KCNH7: variants seen among roughly 807,000 people sequenced by gnomAD.
KCNH7 encodes the protein voltage-gated inwardly rectifying potassium channel KCNH7.
Under a neutral mutation model 120.8 loss-of-function variants are expected in KCNH7, and 49 were observed. The ratio of observed to expected loss-of-function variants is 0.41; its 90% CI spans 0.32 to 0.51. KCNH7 has a LOEUF of 0.51. Ranked by LOEUF, KCNH7 falls within the 20% of genes least tolerant of loss-of-function variation. The probability of loss-of-function intolerance (pLI) is 0.38; values close to 1 mark genes in which losing one functional copy is unlikely to be tolerated. For missense variants in KCNH7, 1,097 were observed against 1,446.6 expected, an observed-to-expected ratio of 0.76 and a Z score of 3.92; for synonymous variants, 547 against 516.1, an observed-to-expected ratio of 1.06 and a Z score of -0.81.
At chr2:162,583,699 A>C (rs1304631100) in intron 2 of KCNH7, among the ~76,000 whole-genome samples, 1 of 152,100 alleles carries the variant, frequency 6.6e-6, no homozygotes, top group Non-Finnish European at 1.5e-5. Context: ...TTACAAATTT[A>C]ATACAACAAA....
At chr2:162,623,981 A>C (rs370908230) in intron 2 of KCNH7, among the ~76,000 whole-genome samples, 4 of 152,196 alleles carry the variant, frequency 2.6e-5, no homozygotes, top group Non-Finnish European at 4.4e-5. Flanking sequence ...ACTGTACACC[A>C]TTCTGGTTAG....
In KCNH7 at chr2:162,825,998, G is replaced by A. The variant is rs1309702495; in HGVS notation, c.307+10539C>T. 7.9e-5 allele frequency among the ~76,000 whole-genome samples: 10 copies of A among 126,262 alleles called. No homozygotes were observed. In the South Asian group the frequency reaches 3.4e-3, roughly 42 times the overall value. 82.8% of individuals were successfully genotyped at this position (126,262 alleles called of 152,430 possible). ...TATTTTCTAATGTTTCAACAGTGAG[G>A]TTAAATCACTTTGACAGAGACAGAG... is the stretch of plus-strand genomic sequence containing the variant. On this transcript the variant is annotated intron_variant, in intron 2 of 15. Transcript: ENST00000332142.
At chr2:162,805,689 T>C (rs1193882950) in intron 2 of KCNH7, among the ~76,000 whole-genome samples, 2 of 152,064 alleles carry the variant, frequency 1.3e-5, no homozygotes, top group Non-Finnish European at 2.9e-5. Flanking sequence ...TCCTCAAAGA[T>C]CTAAAAGTAG....
intron 2 of KCNH7, among the ~76,000 whole-genome samples, chr2:162,610,425 C>A (rs1407431355): frequency 6.6e-6 from 1 of 152,154 alleles, no homozygotes; most frequent in African/African-American, 2.4e-5. Context: ...TTAGGAATAT[C>A]ATTTCAATTC....
rs566557400 is a variant in KCNH7 at position 162,626,748 on chromosome 2, G to C, written c.308-89668C>G. 5.9e-5 allele frequency among the ~76,000 whole-genome samples: 9 copies of C among 152,174 alleles called. No individual in the cohort carries two copies. The East Asian group carries it at 1.7e-3, about 29-fold the overall frequency. On this transcript the variant is annotated intron_variant, in intron 2 of 15. Transcript: ENST00000332142. Reference sequence around the variant, plus strand: ...ACCTAGGTAACACAGGGTTTTTAAAGCATGAAAATTAATAACTGAGCCTGT... The same window carrying C: ...ACCTAGGTAACACAGGGTTTTTAAACCATGAAAATTAATAACTGAGCCTGT...
At chr2:162,445,891 A>G (rs752092669) in intron 7 of KCNH7, 127 bp downstream of exon 7, 10 of 724,906 alleles carry the variant, frequency 1.4e-5, no homozygotes, top group Non-Finnish European at 2.0e-5. Flanking sequence ...TAGTATCCCC[A>G]ATTGAAAATG....
rs182088989 is a variant in KCNH7 at position 162,661,546 on chromosome 2, C to T, written c.308-124466G>A. Among the ~76,000 whole-genome samples the T allele has an allele frequency of 6.5e-3, 987 of 152,204 alleles. 6 individuals carry two copies. The highest frequency in any genetic ancestry group is 0.011 in the Non-Finnish European group (755 of 68,012). ...ATTATTTATGAAAGTGTCTGTAAGG[C>T]GTAAAAACCCTAAACGTTTCCCTAT... On this transcript the variant is annotated intron_variant, in intron 2 of 15. Transcript: ENST00000332142.
intron 8 of KCNH7, among the ~76,000 whole-genome samples, chr2:162,430,836 T>C (rs1688040279): frequency 6.6e-6 from 1 of 151,876 alleles, no homozygotes; most frequent in East Asian, 1.9e-4. Context: ...TGCCTTTATT[T>C]TTCTGGTTTA....
At chr2:162,597,860 C>T (rs1694429395) in intron 2 of KCNH7, among the ~76,000 whole-genome samples, 2 of 151,994 alleles carry the variant, frequency 1.3e-5, no homozygotes, top group South Asian at 2.1e-4. Flanking sequence ...TTTAAAACAA[C>T]ATTTTGAAAA....
chr2:162,543,912 C>A (rs1432216287), intron 2 of KCNH7, among the ~76,000 whole-genome samples: 1 of 152,242 alleles, frequency 6.6e-6, no homozygotes, highest in Non-Finnish European at 1.5e-5. Flanking sequence ...ATCAATTTCT[C>A]AATTTAAAAA....
intron 2 of KCNH7, among the ~76,000 whole-genome samples, chr2:162,726,267 C>G (rs1687515479): frequency 6.6e-6 from 1 of 152,116 alleles, no homozygotes; most frequent in Non-Finnish European, 1.5e-5. Context: ...TGGTTATCCT[C>G]AGATACCAAA....
chr2:162,464,180 G>A (rs1217161150), intron 6 of KCNH7, among the ~76,000 whole-genome samples: 1 of 151,986 alleles, frequency 6.6e-6, no homozygotes, highest in African/African-American at 2.4e-5. Flanking sequence ...GAGACTTGAT[G>A]TAGAAGCATA....
intron 6 of KCNH7, among the ~76,000 whole-genome samples, chr2:162,491,261 T>C (rs1193385652): frequency 2.0e-5 from 3 of 152,222 alleles, no homozygotes; most frequent in Non-Finnish European, 4.4e-5. Flanking sequence ...CCCCCAGGCA[T>C]TGTCCCCACC....
At chr2:162,499,369 T>C (rs75050423) in intron 6 of KCNH7, among the ~76,000 whole-genome samples, 4,795 of 152,194 alleles carry the variant, frequency 0.032, 178 homozygotes, top group South Asian at 0.098. Context: ...CACCACTCCA[T>C]TGGAATTTGG....
chr2:162,392,638 G>A (rs780351097), intron 12 of KCNH7, among the ~76,000 whole-genome samples: 4 of 151,914 alleles, frequency 2.6e-5, no homozygotes, highest in Non-Finnish European at 5.9e-5. Flanking sequence ...CCACTTTCAC[G>A]GAACTTATGA....
chr2:162,487,541 A>G (rs1322361812), intron 6 of KCNH7, among the ~76,000 whole-genome samples: 1 of 152,046 alleles, frequency 6.6e-6, no homozygotes, highest in Non-Finnish European at 1.5e-5. Flanking sequence ...ATTTTGAGAA[A>G]CCCTGAGGAA....
chr2:162,761,802 G>A (rs1274620983), intron 2 of KCNH7, among the ~76,000 whole-genome samples: 2 of 152,106 alleles, frequency 1.3e-5, no homozygotes, highest in African/African-American at 4.8e-5. Flanking sequence ...GATTCGATAA[G>A]AGTGGATGGT....
chr2:162,600,966 G>A (rs1272717872), intron 2 of KCNH7, among the ~76,000 whole-genome samples: 1 of 152,018 alleles, frequency 6.6e-6, no homozygotes, highest in Admixed American at 6.6e-5. Context: ...GAAAAGAACA[G>A]GGTAAAATAT....
At chr2:162,555,757 T>A (rs1692832520) in intron 2 of KCNH7, among the ~76,000 whole-genome samples, 1 of 152,084 alleles carries the variant, frequency 6.6e-6, no homozygotes, top group Non-Finnish European at 1.5e-5. Context: ...TGTATGTAGA[T>A]TAGCAGCCTT....
Sources: gnomAD v4.1 joint callset for allele counts (sites outside exome capture counted in the v4.1 genomes callset) on GRCh38, gnomAD v4.1.1 for gene constraint, MANE v1.5 for transcripts, NCBI Gene and HGNC (gene_info 2026-07-23, HGNC 2026-07-21) for gene names.